The following AKAP8 variants were observed in gnomAD, a reference collection of about 807,000 sequenced individuals.
The protein encoded by AKAP8 is A-kinase anchor protein 8.
A neutral mutation model predicts 67.5 loss-of-function variants in AKAP8; 24 were observed. That is an observed-to-expected ratio of 0.36 (90% CI 0.26 to 0.50). The LOEUF is 0.50. Among genes scored for constraint, AKAP8 ranks in the 20% least tolerant of loss-of-function variants. AKAP8 has a pLI of 0.97. For missense variants in AKAP8, 971 were observed against 955.9 expected, an observed-to-expected ratio of 1.02 and a Z score of -0.21; for synonymous variants, 400 against 371.1, an observed-to-expected ratio of 1.08 and a Z score of -0.90.
In AKAP8 at chr19:15,369,673, A is replaced by T. The variant is rs1967122891; in HGVS notation, c.1072+473T>A. Among the ~76,000 whole-genome samples the T allele has an allele frequency of 6.6e-6, 1 of 152,186 alleles. No homozygotes were observed. Among genetic ancestry groups the T allele is most frequent in the Admixed American group, 6.5e-5 (1 of 15,276 alleles). ...CAGGTGTCTGCTGTCACACACTCGC[A>T]GGCACGAAGCAATGTGCAGTGCAGC... On this transcript the variant is annotated intron_variant, in intron 8 of 13. Transcript: ENST00000269701. This position sits in a 1 kb window ranked among gnomAD's most constrained non-coding sequence, Gnocchi z 4.6.
chr19:15,379,483 G>C (rs1967331229), intron 1 of AKAP8: 1 of 484,626 alleles, frequency 2.1e-6, no homozygotes, highest in Non-Finnish European at 3.6e-6. Context: ...CCAACCCCGA[G>C]TCCCGCCCGC....
chr19:15,374,099 G>T, intron 3 of AKAP8, 34 bp from the exon 4 acceptor site: 1 of 1,524,382 alleles, frequency 6.6e-7, no homozygotes. Flanking sequence ...TCAGACTTCA[G>T]CAGCCACGAG....
intron 9 of AKAP8, among the ~76,000 whole-genome samples, chr19:15,362,703 C>G (rs879945644): frequency 4.0e-3 from 521 of 130,122 alleles, no homozygotes; most frequent in Admixed American, 6.5e-3. Flanking sequence ...GATCTCGGCT[C>G]GCTACAACCT....
At position 15,354,119 on chromosome 19, in the gene AKAP8, G is replaced by A. The variant is rs1213839940; in HGVS notation, c.*796C>T. 1 of 151,908 alleles carries A rather than the reference G, an allele frequency of 6.6e-6. No homozygotes were observed. The highest frequency in any genetic ancestry group is 1.5e-5 in the Non-Finnish European group (1 of 68,014). 9.4% of individuals were successfully genotyped at this position (151,908 alleles called of 1,614,324 possible). A position where few individuals can be genotyped will look rare whatever the true frequency, so the allele number is the denominator to read the frequency against. ...TCACCACGGCCTCCCGAAGTGCTGG[G>A]ATTATAGGTATGCATCACCGTGCCT... On this transcript the variant is annotated 3_prime_UTR_variant, in exon 14 of 14. Coordinates refer to ENST00000269701, the MANE Select transcript of AKAP8 (RefSeq NM_005858.4).
At position 15,372,173 on chromosome 19, in the gene AKAP8, G is replaced by C. The variant is rs537920885; in HGVS notation, c.991+45C>G. On this transcript the variant is annotated intron_variant, in intron 6 of 13. Transcript: ENST00000269701. Reference sequence around the variant, plus strand: ...CAAGCAGAGCCCCCAGCAGGCAGCCGACCCATCCTACATCTGTCTGGCCCA... The same window carrying C: ...CAAGCAGAGCCCCCAGCAGGCAGCCCACCCATCCTACATCTGTCTGGCCCA... 3 of 1,610,140 alleles carry C rather than the reference G, an allele frequency of 1.9e-6. No individual in the cohort carries two copies. The African/African-American group carries it at 4.0e-5, about 22-fold the overall frequency.
At chr19:15,367,191 C>T (rs1017962680) in intron 9 of AKAP8, among the ~76,000 whole-genome samples, 9 of 152,226 alleles carry the variant, frequency 5.9e-5, no homozygotes, top group Non-Finnish European at 1.3e-4. Flanking sequence ...CATGTGTGAG[C>T]CACGGCATCT....
Position 15,362,367 on chromosome 19 carries a change from CT to C in AKAP8, c.1161-117del, listed in dbSNP as rs1279886108. ...AGAAACAGGATTTTCAGCTCTCCCC[CT>C]CCCCCTCTCCCTCTCCCCACGGTCT... On this transcript the variant is annotated intron_variant, in intron 9 of 13. Transcript: ENST00000269701. The C allele has an allele frequency of 9.2e-6, 8 of 871,436 alleles. No individual in the cohort carries two copies. In the African/African-American group the frequency reaches 1.6e-4, roughly 18 times the overall value. 54.0% of individuals were successfully genotyped at this position (871,436 alleles called of 1,614,324 possible). A position where few individuals can be genotyped will look rare whatever the true frequency, so the allele number is the denominator to read the frequency against.
intron 1 of AKAP8, among the ~76,000 whole-genome samples, chr19:15,377,229 G>A (rs911740563): frequency 6.6e-6 from 1 of 152,134 alleles, no homozygotes; most frequent in Non-Finnish European, 1.5e-5. Context: ...AGAAGGGTGG[G>A]AAGTGGGCTT....
intron 2 of AKAP8, among the ~76,000 whole-genome samples, chr19:15,375,852 A>G (rs10420759): frequency 6.6e-6 from 1 of 151,486 alleles, no homozygotes; most frequent in African/African-American, 2.4e-5. Flanking sequence ...GTTAGCCAGG[A>G]TGGTCTCGAT....
Position 15,355,104 on chromosome 19 carries a change from G to A in AKAP8, c.1890C>T (p.Pro630=), listed in dbSNP as rs142407870. 8 of 1,613,696 alleles carry A rather than the reference G, an allele frequency of 5.0e-6. No homozygotes were observed. Among genetic ancestry groups the A allele is most frequent in the African/African-American group, 2.7e-5 (2 of 74,914 alleles). The change falls in exon 14 of 14, where the codon CCC becomes CCT. Residue 630 remains proline, a synonymous_variant. Transcript: ENST00000269701. The part of the protein sequence containing the change: ...QAEQLLEEQV[P]CGTAHEKGVP... ...CGCCCTTCTCATGTGCCGTTCCACA[G>A]GGCACCTGCTCTTCCAGCAGCTGTT...
chr19:15,356,790 T>A (rs1236465746), intron 13 of AKAP8, among the ~76,000 whole-genome samples: 1 of 152,058 alleles, frequency 6.6e-6, no homozygotes, highest in African/African-American at 2.4e-5. Context: ...GAGGATCACT[T>A]GAGGCCAGAC....
At chr19:15,377,548 A>G (rs10421905) in intron 1 of AKAP8, among the ~76,000 whole-genome samples, 2 of 152,226 alleles carry the variant, frequency 1.3e-5, no homozygotes, top group South Asian at 4.1e-4. Context: ...GGCTCACTGC[A>G]AGCTCCGCCT....
intron 9 of AKAP8, among the ~76,000 whole-genome samples, chr19:15,367,790 G>C (rs1967093332): frequency 6.6e-6 from 1 of 152,212 alleles, no homozygotes; most frequent in African/African-American, 2.4e-5. Context: ...TCCAGGGGTG[G>C]TCTGGATTTG....
In AKAP8 at chr19:15,355,336, G is replaced by A; in HGVS notation, c.1658C>T (p.Pro553Leu). ...EDPFTSETVDPEMEGDDNLGG... is the reference protein window; with the variant it reads ...EDPFTSETVDLEMEGDDNLGG... ...TAAATTGTCATCTCCTTCCATTTCT[G>A]GATCAACAGTTTCACTGGTGAAAGG... is the stretch of plus-strand genomic sequence containing the variant. The change falls in exon 14 of 14, where the codon CCA becomes CTA. Residue 553 changes from proline (P) to leucine (L), a missense_variant. By Grantham distance (98) the Pro-to-Leu change is moderately conservative (BLOSUM62 -3). This residue lies in a region of AKAP8 where 204 missense variants were observed against 193.0 expected (regional missense o/e 1.06). Coordinates refer to ENST00000269701, the MANE Select transcript of AKAP8 (RefSeq NM_005858.4). The A allele has an allele frequency of 6.2e-7, 1 of 1,613,634 alleles. No individual in the cohort carries two copies. Among genetic ancestry groups the A allele is most frequent in the South Asian group, 1.1e-5 (1 of 91,074 alleles).
intron 2 of AKAP8, among the ~76,000 whole-genome samples, chr19:15,375,925 A>C (rs1175388109): frequency 2.0e-5 from 3 of 148,878 alleles, no homozygotes; most frequent in Admixed American, 1.3e-4. Context: ...GGCGTGAGCC[A>C]CCGTGCCTGG....
intron 1 of AKAP8, chr19:15,379,365 T>TG: frequency 3.3e-6 from 1 of 303,356 alleles, no homozygotes; most frequent in Non-Finnish European, 6.1e-6. Flanking sequence ...AAGCCGGGAG[T>TG]GCAAACCCCG....
intron 1 of AKAP8, chr19:15,379,498 T>A: frequency 2.0e-6 from 1 of 492,288 alleles, no homozygotes. Flanking sequence ...GCCCGCCTCC[T>A]CGGGGCCTGG....
At position 15,369,319 on chromosome 19, in the gene AKAP8, G is replaced by A. The variant is rs73926747; in HGVS notation, c.1072+827C>T. 5.1e-3 allele frequency: 4,929 copies of A among 957,094 alleles called. 19 individuals are homozygous for A. Among genetic ancestry groups the A allele is most frequent in the Middle Eastern group, 9.7e-3 (18 of 1,864 alleles). 59.3% of individuals were successfully genotyped at this position (957,094 alleles called of 1,614,324 possible). ...TGGACAGGACTGCTGCGGGTCGCGG[G>A]GGGGAGGACCGCAGAGGGCTGGCAA... On this transcript the variant is annotated intron_variant, in intron 8 of 13. Transcript: ENST00000269701. This position sits in a 1 kb window ranked among gnomAD's most constrained non-coding sequence, Gnocchi z 4.6.
rs535069045 is a variant in AKAP8 at position 15,372,085 on chromosome 19, G to A, written c.992-87C>T. On this transcript the variant is annotated intron_variant, in intron 6 of 13. Transcript: ENST00000269701. ...CTCCCAAGCTCGCCATCCAGGGTGA[G>A]TCTGCCCTGACCACAGTGGGGTTGA... The A allele has an allele frequency of 6.8e-6, 11 of 1,608,500 alleles. No individual in the cohort carries two copies. The African/African-American group carries it at 1.5e-4, about 21-fold the overall frequency.
Sources: allele counts gnomAD v4.1 joint callset (sites outside exome capture counted in the v4.1 genomes callset), GRCh38; gene constraint gnomAD v4.1.1; regional missense constraint gnomAD v4.1.1; non-coding constraint Gnocchi (gnomAD v3.1); transcripts MANE v1.5; gene names NCBI Gene and HGNC (gene_info 2026-07-23, HGNC 2026-07-21).